The following SNX14 variants were observed in gnomAD, a reference collection of about 807,000 sequenced individuals.
SNX14 encodes sorting nexin 14, also known as sorting nexin-14.
A neutral mutation model predicts 133.8 loss-of-function variants in SNX14; 93 were observed. That is an observed-to-expected ratio of 0.70 (90% confidence interval 0.59 to 0.83). The LOEUF (loss-of-function observed/expected upper bound fraction) is 0.83. Ranked by LOEUF, SNX14 falls within the 40% of genes least tolerant of loss-of-function variation. SNX14 has a pLI of 0.00. For missense variants in SNX14, 945 were observed against 1,094.9 expected (o/e 0.86, Z 1.93); for synonymous variants, 368 against 365.6 (o/e 1.01, Z -0.07).
chr6:85,510,991 T>C (rs1380135453), intron 26 of SNX14, among the ~76,000 whole-genome samples: 3 of 152,322 alleles, frequency 2.0e-5, no homozygotes, highest in South Asian at 2.1e-4. Context: ...TGGGACTGCA[T>C]TGAATCTATA....
At chr6:85,507,917 T>A (rs756565064) in intron 27 of SNX14, 51 bp downstream of exon 27, 25 of 1,447,646 alleles carry the variant, frequency 1.7e-5, no homozygotes, top group Non-Finnish European at 1.9e-6. Context: ...CCTTACTACG[T>A]CGTTCACCAA....
At chr6:85,574,443 AC>A in intron 1 of SNX14, 65 bp from the exon 2 acceptor site, 2 of 1,220,610 alleles carry the variant, frequency 1.6e-6, no homozygotes, top group Non-Finnish European at 2.3e-6. Context: ...TTACCGCTTC[AC>A]TGACTTAACA....
chr6:85,585,641 T>G (rs1354311699), intron 1 of SNX14, among the ~76,000 whole-genome samples: 2 of 152,142 alleles, frequency 1.3e-5, no homozygotes, highest in African/African-American at 4.8e-5. Context: ...CTCTAAAAAT[T>G]GATAAAGAGT....
rs774392489 is a variant in SNX14, at chr6:85,557,587, G to GT, written c.634+388dup. 8.2e-4 allele frequency among the ~76,000 whole-genome samples: 125 copies of GT among 151,970 alleles called. 1 individual carries two copies. Among genetic ancestry groups the GT allele is most frequent in the Admixed American group, 2.8e-3 (42 of 15,236 alleles). On this transcript the variant is annotated intron_variant, in intron 7 of 28. Transcript: ENST00000314673. ...AGATGCTATGACAGTCACTAAATTT[G>GT]TTTTTTTTAGTAGAAAGACAACATG...
intron 1 of SNX14, among the ~76,000 whole-genome samples, chr6:85,588,573 C>CAA (rs1166904910): frequency 7.5e-5 from 6 of 79,666 alleles, no homozygotes; most frequent in Non-Finnish European, 1.3e-4. Context: ...GAGACTCCGT[C>CAA]TCTAAATAAA....
chr6:85,575,507 C>G (rs1225008607), intron 1 of SNX14, among the ~76,000 whole-genome samples: 1 of 152,160 alleles, frequency 6.6e-6, no homozygotes, highest in Non-Finnish European at 1.5e-5. Flanking sequence ...GTGTTACCTC[C>G]CTGTCTCCCA....
At position 85,513,682 on chromosome 6, in the gene SNX14, G is replaced by T. The variant is rs1773749853; in HGVS notation, c.2653+118C>A. 5 of 704,182 alleles carry T rather than the reference G, an allele frequency of 7.1e-6. No individual in the cohort carries two copies. In the South Asian group the frequency reaches 9.6e-5, roughly 14 times the overall value. The allele number at this position is 704,182 out of a possible 1,614,324, so 43.6% of individuals were successfully genotyped here. A position where few individuals can be genotyped will look rare whatever the true frequency, so the allele number is the denominator to read the frequency against. Reference sequence around the variant, plus strand: ...AGTGTGTTAATTTTAACTGATCTTTGCAACTATTTGTAAAATGAAAACTCA... The same window carrying T: ...AGTGTGTTAATTTTAACTGATCTTTTCAACTATTTGTAAAATGAAAACTCA... On this transcript the variant is annotated intron_variant, in intron 26 of 28. Coordinates refer to ENST00000314673, the MANE Select transcript of SNX14 (RefSeq NM_153816.6).
chr6:85,551,857 T>G (rs1378206054), intron 7 of SNX14, among the ~76,000 whole-genome samples: 1 of 152,116 alleles, frequency 6.6e-6, no homozygotes, highest in Non-Finnish European at 1.5e-5. Flanking sequence ...ATGACAAAAG[T>G]TATGTTAGCA....
At chr6:85,590,363 G>A (rs556860570) in intron 1 of SNX14, among the ~76,000 whole-genome samples, 7 of 152,184 alleles carry the variant, frequency 4.6e-5, no homozygotes, top group Admixed American at 4.6e-4. Flanking sequence ...TCCAAAACAG[G>A]TCACTTTCAT....
intron 14 of SNX14, among the ~76,000 whole-genome samples, chr6:85,542,598 G>A (rs530748824): frequency 6.7e-4 from 102 of 152,168 alleles, no homozygotes; most frequent in African/African-American, 2.3e-3. Flanking sequence ...GTTTCAATGT[G>A]TTAGCCGGGA....
intron 12 of SNX14, 104 bp from the exon 13 acceptor site, chr6:85,543,864 AG>A: frequency 1.8e-6 from 1 of 569,916 alleles, no homozygotes; most frequent in Non-Finnish European, 2.6e-6. Context: ...AGCAGCAATT[AG>A]AAGCAATCTA....
intron 23 of SNX14, among the ~76,000 whole-genome samples, chr6:85,516,700 C>A (rs899921856): frequency 6.9e-6 from 1 of 145,460 alleles, no homozygotes; most frequent in African/African-American, 2.6e-5. Context: ...TGCAGTGGCG[C>A]GATCTCAGCT....
intron 6 of SNX14, among the ~76,000 whole-genome samples, chr6:85,558,370 T>C (rs191351000): frequency 1.3e-5 from 2 of 152,346 alleles, no homozygotes; most frequent in African/African-American, 4.8e-5. Flanking sequence ...CAGTAACTTA[T>C]TATCCCTTTG....
At chr6:85,545,151 A>T (rs1351372610) in intron 12 of SNX14, among the ~76,000 whole-genome samples, 2 of 152,212 alleles carry the variant, frequency 1.3e-5, no homozygotes, top group Non-Finnish European at 2.9e-5. Context: ...AAAATCTCTG[A>T]TCAATCAAAA....
intron 28 of SNX14, among the ~76,000 whole-genome samples, chr6:85,506,232 T>C (rs1199613981): frequency 1.3e-5 from 2 of 152,206 alleles, no homozygotes; most frequent in African/African-American, 4.8e-5. Flanking sequence ...AAAGGTTTCC[T>C]GTTGTTGATT....
intron 2 of SNX14, among the ~76,000 whole-genome samples, chr6:85,572,697 C>T (rs1201689623): frequency 1.3e-5 from 2 of 152,296 alleles, no homozygotes; most frequent in East Asian, 3.9e-4. Context: ...TGGCTCACAC[C>T]TATAATCCTA....
At chr6:85,541,283 G>A (rs1207778816) in intron 15 of SNX14, among the ~76,000 whole-genome samples, 2 of 152,094 alleles carry the variant, frequency 1.3e-5, no homozygotes, top group East Asian at 1.9e-4. Flanking sequence ...GTGAGCCACC[G>A]TGCCCGGCCA....
At chr6:85,580,214 GACA>G (rs1475141757) in intron 1 of SNX14, among the ~76,000 whole-genome samples, 1 of 152,128 alleles carries the variant, frequency 6.6e-6, no homozygotes, top group East Asian at 1.9e-4. Context: ...CTAGCTCCCA[GACA>G]ACATTTCTAG....
intron 15 of SNX14, among the ~76,000 whole-genome samples, chr6:85,540,527 T>C (rs1444537494): frequency 6.6e-6 from 1 of 152,218 alleles, no homozygotes; most frequent in Non-Finnish European, 1.5e-5. Context: ...AAATAACGTC[T>C]AAGTTTCACG....
Sources: gnomAD v4.1 joint callset for allele counts (sites outside exome capture counted in the v4.1 genomes callset) on GRCh38, gnomAD v4.1.1 for gene constraint, MANE v1.5 for transcripts, NCBI Gene and HGNC (gene_info 2026-07-23, HGNC 2026-07-21) for gene names.